The following ZMYM2 variants were observed in gnomAD, a reference collection of about 807,000 sequenced individuals.
ZMYM2 encodes the protein zinc finger MYM-type protein 2.
Under a neutral mutation model 162.8 loss-of-function variants are expected in ZMYM2, and 56 were observed. That is an observed-to-expected ratio of 0.34 (90% confidence interval 0.28 to 0.43). The LOEUF (loss-of-function observed/expected upper bound fraction) is 0.43. Among genes scored for constraint, ZMYM2 ranks in the 20% least tolerant of loss-of-function variants. ZMYM2 has a pLI of 1.00. For missense variants in ZMYM2, 1,275 were observed against 1,621.8 expected, an observed-to-expected ratio of 0.79 and a Z score of 3.67; for synonymous variants, 510 against 541.6, an observed-to-expected ratio of 0.94 and a Z score of 0.81.
intron 16 of ZMYM2, among the ~76,000 whole-genome samples, chr13:20,059,964 A>G (rs1186846507): frequency 6.6e-6 from 1 of 152,046 alleles, no homozygotes; most frequent in East Asian, 1.9e-4. Flanking sequence ...AGCTTGGGAG[A>G]TGGAGGCTGC....
At chr13:19,950,364 C>T in the ZMYM2 span, among the ~76,000 whole-genome samples, 2 of 152,056 alleles carry the variant, frequency 1.3e-5, no homozygotes, top group African/African-American at 2.4e-5. Context: ...TAAGTTTAGC[C>T]GAAAACCACC....
the ZMYM2 span, among the ~76,000 whole-genome samples, chr13:19,890,560 G>A: frequency 2.1e-5 from 3 of 144,602 alleles, no homozygotes; most frequent in African/African-American, 2.6e-5. Context: ...ATTGGGGAAC[G>A]ATTAGATTAT....
chr13:19,914,378 T>C, the ZMYM2 span, among the ~76,000 whole-genome samples: 2 of 152,206 alleles, frequency 1.3e-5, no homozygotes, highest in African/African-American at 4.8e-5. Context: ...TTAGTGGTCA[T>C]GGTGGCAGGG....
At chr13:19,878,922 T>G in the ZMYM2 span, among the ~76,000 whole-genome samples, 1 of 152,202 alleles carries the variant, frequency 6.6e-6, no homozygotes, top group Non-Finnish European at 1.5e-5. Flanking sequence ...TACAAATATT[T>G]TCTCCTATTC....
chr13:19,914,204 C>A, the ZMYM2 span, among the ~76,000 whole-genome samples: 1 of 152,046 alleles, frequency 6.6e-6, no homozygotes, highest in African/African-American at 2.4e-5. Context: ...TCTGAATGGG[C>A]AAAAAATGTG....
Position 19,959,957 on chromosome 13 carries a change from G to T in ZMYM2, c.-79-1G>T, listed in dbSNP as rs1456105609. On this transcript the variant is annotated splice_acceptor_variant, in intron 1 of 24. Coordinates refer to ENST00000610343, the MANE Select transcript of ZMYM2 (RefSeq NM_197968.4). LOFTEE classifies it low-confidence loss of function (5UTR_SPLICE). ...ATTTTTCTTTTTTCCTCCTATCCCA[G>T]GACCAAGAATCGCCTTCAGCCCTGT... is the stretch of plus-strand genomic sequence containing the variant. 2.0e-5 allele frequency: 3 copies of T among 152,242 alleles called. No individual in the cohort carries two copies. Among genetic ancestry groups the T allele is most frequent in the Non-Finnish European group, 4.4e-5 (3 of 68,068 alleles). 9.4% of individuals were successfully genotyped at this position (152,242 alleles called of 1,614,324 possible).
At chr13:19,958,488 G>A (rs1227316109), upstream of ZMYM2, among the ~76,000 whole-genome samples, 3 of 152,048 alleles carry the variant, frequency 2.0e-5, no homozygotes, top group Admixed American at 6.5e-5. Flanking sequence ...CGGCGGGGAG[G>A]GGACCCGGCC....
chr13:19,971,605 G>A (rs992285658), intron 2 of ZMYM2, among the ~76,000 whole-genome samples: 1 of 152,008 alleles, frequency 6.6e-6, no homozygotes, highest in Non-Finnish European at 1.5e-5. Flanking sequence ...ATATTCTGGG[G>A]AATATAGTAA....
At chr13:19,940,153 C>T in the ZMYM2 span, among the ~76,000 whole-genome samples, 1 of 151,990 alleles carries the variant, frequency 6.6e-6, no homozygotes, top group Non-Finnish European at 1.5e-5. Flanking sequence ...GGAAGGCTCC[C>T]ATTGATGTCT....
chr13:20,059,588 C>A, intron 16 of ZMYM2, 26 bp downstream of exon 16: 1 of 1,017,018 alleles, frequency 9.8e-7, no homozygotes, highest in Non-Finnish European at 1.6e-6. Flanking sequence ...AGTTCTTTCT[C>A]ATTTTGAGAT....
At chr13:20,065,295 A>T (rs1956588634) in intron 19 of ZMYM2, among the ~76,000 whole-genome samples, 1 of 152,076 alleles carries the variant, frequency 6.6e-6, no homozygotes, top group Non-Finnish European at 1.5e-5. Flanking sequence ...CAAACACAAC[A>T]ATTAACTCAA....
At chr13:19,870,573 T>TC in the ZMYM2 span, among the ~76,000 whole-genome samples, 562 of 136,392 alleles carry the variant, frequency 4.1e-3, 9 homozygotes, top group African/African-American at 0.014. Flanking sequence ...CTTCCTTCCT[T>TC]CTTTCCTTTC....
chr13:20,029,475 A>ATT (rs1298014798), intron 9 of ZMYM2, among the ~76,000 whole-genome samples: 2 of 152,086 alleles, frequency 1.3e-5, no homozygotes, highest in African/African-American at 4.8e-5. Context: ...TGGGGCTCAA[A>ATT]TTTTTTGGAA....
At chr13:19,868,686 T>G in the ZMYM2 span, among the ~76,000 whole-genome samples, 1 of 152,230 alleles carries the variant, frequency 6.6e-6, no homozygotes, top group Non-Finnish European at 1.5e-5. Flanking sequence ...CTCACTGATC[T>G]TACATTTGCA....
chr13:19,887,793 G>A, the ZMYM2 span, among the ~76,000 whole-genome samples: 1 of 151,294 alleles, frequency 6.6e-6, no homozygotes, highest in East Asian at 1.9e-4. Context: ...TCTCTGATGT[G>A]TTTTAGTCTA....
the ZMYM2 span, among the ~76,000 whole-genome samples, chr13:19,923,961 G>A: frequency 1.1e-3 from 163 of 152,190 alleles, 2 homozygotes; most frequent in African/African-American, 3.6e-3. Context: ...GTAAGCTACC[G>A]TGCCTGGCCA....
chr13:20,057,224 T>C (rs972538122), intron 14 of ZMYM2, among the ~76,000 whole-genome samples: 2 of 152,240 alleles, frequency 1.3e-5, no homozygotes, highest in African/African-American at 4.8e-5. Flanking sequence ...TGCCTCAGCC[T>C]CTAGAGTAGC....
chr13:19,993,156 C>T lies in ZMYM2; in HGVS notation c.84C>T (p.Leu28=). 1 of 1,614,096 alleles carries T rather than the reference C, an allele frequency of 6.2e-7. No individual in the cohort carries two copies. The highest frequency in any genetic ancestry group is 8.5e-7 in the Non-Finnish European group (1 of 1,180,016). The change falls in exon 3 of 25, where the codon CTC becomes CTT. Residue 28 remains leucine (L), a synonymous_variant. Transcript: ENST00000610343. Reference sequence around the variant, plus strand: ...GGAGTACGGCCATGGCAACTAGTCTCACGAATGTAGGAAACTCATTTAGTG... The same window carrying T: ...GGAGTACGGCCATGGCAACTAGTCTTACGAATGTAGGAAACTCATTTAGTG... ...LLGSTAMATS[L]TNVGNSFSGP... is the part of the protein sequence containing the mutation.
intron 3 of ZMYM2, among the ~76,000 whole-genome samples, chr13:19,994,289 T>A (rs1949851914): frequency 6.6e-6 from 1 of 152,194 alleles, no homozygotes; most frequent in Non-Finnish European, 1.5e-5. Context: ...GAGACCAGTC[T>A]AGGCCACATA....
Sources: gnomAD v4.1 joint callset for allele counts (sites outside exome capture counted in the v4.1 genomes callset) on GRCh38, gnomAD v4.1.1 for gene constraint, MANE v1.5 for transcripts, NCBI Gene and HGNC (gene_info 2026-07-23, HGNC 2026-07-21) for gene names.